Variants in LRMDA observed in about 807,000 individuals in gnomAD.
LRMDA encodes the protein leucine-rich melanocyte differentiation-associated protein.
LRMDA carries 18 observed loss-of-function variants against 29.8 expected under a neutral mutation model. The observed-to-expected ratio is 0.60, with a 90% CI of 0.42 to 0.90. The LOEUF (loss-of-function observed/expected upper bound fraction) is 0.90, where lower values mean the gene tolerates loss of function less well. LRMDA is among the 40% of genes least tolerant of loss of function. The pLI is 0.00. For synonymous variants in LRMDA, 125 were observed against 109.4 expected (o/e 1.14, Z -0.89); for missense variants, 273 against 273.9 (o/e 1.00, Z 0.02).
chr10:75,935,856 G>C (rs1256648877), intron 2 of LRMDA, among the ~76,000 whole-genome samples: 1 of 152,110 alleles, frequency 6.6e-6, no homozygotes, highest in Admixed American at 6.5e-5. Flanking sequence ...TGGAAAATCA[G>C]GCAAGTTATT....
chr10:75,732,817 G>A (rs1023254965), intron 2 of LRMDA, among the ~76,000 whole-genome samples: 3 of 152,198 alleles, frequency 2.0e-5, no homozygotes, highest in Non-Finnish European at 4.4e-5. Flanking sequence ...AAGGTGGAGG[G>A]CACACTGTGG....
chr10:75,840,648 C>A (rs1318272049), intron 2 of LRMDA, among the ~76,000 whole-genome samples: 1 of 152,178 alleles, frequency 6.6e-6, no homozygotes, highest in Non-Finnish European at 1.5e-5. Flanking sequence ...GGGAAAAAAC[C>A]TACAAGAAGG....
chr10:75,433,073 C>T (rs575551775), intron 1 of LRMDA, among the ~76,000 whole-genome samples: 2 of 151,332 alleles, frequency 1.3e-5, no homozygotes, highest in South Asian at 4.1e-4. Context: ...CTTGTTCAGC[C>T]ATCGGGGAAA....
intron 2 of LRMDA, among the ~76,000 whole-genome samples, chr10:75,583,275 G>C (rs777387488): frequency 1.3e-5 from 2 of 152,156 alleles, no homozygotes; most frequent in Non-Finnish European, 2.9e-5. Flanking sequence ...AAATACCTGA[G>C]ACTGGGTAAT....
chr10:75,536,673 C>A (rs1839953466), intron 2 of LRMDA, among the ~76,000 whole-genome samples: 1 of 152,194 alleles, frequency 6.6e-6, no homozygotes, highest in Non-Finnish European at 1.5e-5. Flanking sequence ...TTGTCTCAGC[C>A]TCCCGAGTAG....
At chr10:76,394,948 A>T (rs1160893979) in intron 6 of LRMDA, among the ~76,000 whole-genome samples, 2 of 152,180 alleles carry the variant, frequency 1.3e-5, no homozygotes, top group Non-Finnish European at 2.9e-5. Context: ...CAAAACAGCA[A>T]AAGAGATGTG....
At chr10:76,353,853 C>T (rs1405442482) in intron 6 of LRMDA, among the ~76,000 whole-genome samples, 1 of 152,120 alleles carries the variant, frequency 6.6e-6, no homozygotes, top group Non-Finnish European at 1.5e-5. Context: ...TAAGGGGGGA[C>T]ATGTGATTTC....
chr10:75,553,441 G>A (rs11001420), intron 2 of LRMDA, among the ~76,000 whole-genome samples: 77,595 of 152,056 alleles, frequency 0.51, 22,362 homozygotes, highest in Non-Finnish European at 0.64. Context: ...CCCTCTTTGA[G>A]GGCTAGACTG....
chr10:76,026,082 A>C (rs2132496287), intron 2 of LRMDA, among the ~76,000 whole-genome samples: 1 of 152,348 alleles, frequency 6.6e-6, no homozygotes. Context: ...GGAAAAAAAA[A>C]ATCTAAGAAC....
chr10:75,823,685 A>AGT (rs141426887), intron 2 of LRMDA, among the ~76,000 whole-genome samples: 6,677 of 144,040 alleles, frequency 0.046, 150 homozygotes, highest in African/African-American at 0.076. Context: ...ATTAAAATGT[A>AGT]GTGTGTGTGT....
intron 6 of LRMDA, among the ~76,000 whole-genome samples, chr10:76,511,388 C>T (rs2132352132): frequency 6.6e-6 from 1 of 151,936 alleles, no homozygotes; most frequent in African/African-American, 2.4e-5. Flanking sequence ...TTGGCTTGCT[C>T]ATGTGTGAGG....
At chr10:75,831,987 C>T (rs1004007491) in intron 2 of LRMDA, among the ~76,000 whole-genome samples, 2 of 152,234 alleles carry the variant, frequency 1.3e-5, no homozygotes, top group Non-Finnish European at 2.9e-5. Context: ...TCTCCTAGGC[C>T]TCTGGGTCTG....
intron 2 of LRMDA, among the ~76,000 whole-genome samples, chr10:75,618,989 G>A (rs1285355034): frequency 1.3e-5 from 2 of 151,924 alleles, no homozygotes; most frequent in Non-Finnish European, 2.9e-5. Flanking sequence ...AGTAGAGACG[G>A]GGTTTCACCG....
At chr10:76,021,158 G>C (rs1847968559) in intron 2 of LRMDA, among the ~76,000 whole-genome samples, 2 of 152,236 alleles carry the variant, frequency 1.3e-5, no homozygotes, top group Admixed American at 6.5e-5. Flanking sequence ...ACCAGTGGTA[G>C]AGAAAGTGTT....
chr10:76,276,584 G>C (rs973096946), intron 5 of LRMDA, among the ~76,000 whole-genome samples: 10 of 152,114 alleles, frequency 6.6e-5, no homozygotes, highest in Admixed American at 2.0e-4. Context: ...GGACTATGCA[G>C]CTATAATAGG....
At chr10:75,785,811 G>T (rs186099307) in intron 2 of LRMDA, among the ~76,000 whole-genome samples, 1 of 152,200 alleles carries the variant, frequency 6.6e-6, no homozygotes, top group Admixed American at 6.5e-5. Flanking sequence ...GCTGCTTTCT[G>T]TGTTAAATAC....
chr10:75,626,918 G>A (rs1367134012), intron 2 of LRMDA, among the ~76,000 whole-genome samples: 1 of 152,206 alleles, frequency 6.6e-6, no homozygotes, highest in East Asian at 1.9e-4. Context: ...TGTTGCTCCA[G>A]CCATCGGGCT....
intron 2 of LRMDA, among the ~76,000 whole-genome samples, chr10:75,586,438 G>C (rs1447277395): frequency 7.3e-6 from 1 of 136,634 alleles, no homozygotes; most frequent in African/African-American, 2.7e-5. Flanking sequence ...GCTTACTGCA[G>C]CCTCTGCCTC....
intron 2 of LRMDA, among the ~76,000 whole-genome samples, chr10:75,907,111 G>A (rs1845772005): frequency 6.6e-6 from 1 of 152,158 alleles, no homozygotes; most frequent in South Asian, 2.1e-4. Context: ...TGTGAAAAGA[G>A]TCATAGGAGA....
Sources: allele counts gnomAD v4.1 joint callset (sites outside exome capture counted in the v4.1 genomes callset), GRCh38; gene constraint gnomAD v4.1.1; transcripts MANE v1.5; gene names NCBI Gene and HGNC (gene_info 2026-07-23, HGNC 2026-07-21).